The following ABCC4 variants were observed in gnomAD, a reference collection of about 807,000 sequenced individuals.
ABCC4 encodes ATP binding cassette subfamily C member 4 (PEL blood group).
ABCC4 carries 102 observed loss-of-function variants against 168.5 expected under a neutral mutation model. The observed-to-expected ratio is 0.61, with a 90% CI of 0.52 to 0.71. The LOEUF (loss-of-function observed/expected upper bound fraction) is 0.71, where lower values mean the gene tolerates loss of function less well. Among genes scored for constraint, ABCC4 ranks in the 30% least tolerant of loss-of-function variants. ABCC4 has a pLI of 0.00. For missense variants in ABCC4, 1,402 were observed against 1,605.8 expected (o/e 0.87, Z 2.17); for synonymous variants, 617 against 590.7 (o/e 1.04, Z -0.65).
At chr13:95,080,335 T>C (rs1466537210) in intron 21 of ABCC4, among the ~76,000 whole-genome samples, 18 of 152,222 alleles carry the variant, frequency 1.2e-4, no homozygotes, top group Non-Finnish European at 1.9e-4. Flanking sequence ...TGACTGACTG[T>C]TGATGTGGTG....
chr13:95,076,169 T>C lies in ABCC4; in HGVS notation c.2687-618A>G, dbSNP rs185901559. Among the ~76,000 whole-genome samples, 7 of 152,324 alleles carry C rather than the reference T, an allele frequency of 4.6e-5. No individual in the cohort carries two copies. In the East Asian group the frequency reaches 9.6e-4, roughly 21 times the overall value. On this transcript the variant is annotated intron_variant, in intron 21 of 30. Coordinates refer to ENST00000645237, the MANE Select transcript of ABCC4 (RefSeq NM_005845.5). ...CTGGAAGAATCCTTTGTGATCTCCA[T>C]GGACCTGGGTGCTGCAATGCCCTTG...
chr13:95,130,016 A>G (rs539993795), intron 19 of ABCC4, among the ~76,000 whole-genome samples: 3 of 151,478 alleles, frequency 2.0e-5, no homozygotes, highest in Non-Finnish European at 4.4e-5. Context: ...TGGAGGTTGC[A>G]GTGAGCCGAG....
intron 20 of ABCC4, among the ~76,000 whole-genome samples, chr13:95,096,551 A>T (rs2034604683): frequency 6.6e-6 from 1 of 152,192 alleles, no homozygotes. Flanking sequence ...AAATTGTTTT[A>T]AAAAGCAGCC....
chr13:95,222,183 T>C (rs550228550), intron 4 of ABCC4, among the ~76,000 whole-genome samples: 7 of 151,778 alleles, frequency 4.6e-5, no homozygotes, highest in African/African-American at 7.2e-5. Flanking sequence ...CCCTATACTG[T>C]ACACTTGGAG....
chr13:95,164,556 T>C lies in ABCC4; in HGVS notation c.2035-38A>G, dbSNP rs771404888. 3.7e-6 allele frequency: 6 copies of C among 1,607,842 alleles called. No homozygotes were observed. In the Admixed American group the frequency reaches 5.0e-5, roughly 13 times the overall value. On this transcript the variant is annotated intron_variant, in intron 15 of 30. Coordinates refer to ENST00000645237, the MANE Select transcript of ABCC4 (RefSeq NM_005845.5). ...AAAGGTGGTAAGAGACAAAACAGTA[T>C]ACAAAACTGTTCCCAAAGATGACAA...
chr13:95,131,959 A>G (rs2035981541), intron 19 of ABCC4, among the ~76,000 whole-genome samples: 1 of 152,160 alleles, frequency 6.6e-6, no homozygotes, highest in Non-Finnish European at 1.5e-5. Flanking sequence ...ATATATACAC[A>G]ACAGAAGAGA....
At chr13:95,123,378 C>T (rs751284420) in intron 19 of ABCC4, among the ~76,000 whole-genome samples, 2 of 151,778 alleles carry the variant, frequency 1.3e-5, no homozygotes, top group Non-Finnish European at 2.9e-5. Flanking sequence ...TGTTTTTTTG[C>T]GGGGGACGAA....
chr13:95,247,132 C>G, intron 2 of ABCC4, 37 bp from the exon 3 acceptor site: 1 of 1,597,844 alleles, frequency 6.3e-7, no homozygotes, highest in Non-Finnish European at 8.5e-7. Context: ...TAAGAGTGAA[C>G]CCTGCCACAA....
chr13:95,260,101 C>G (rs1322460647), intron 1 of ABCC4, among the ~76,000 whole-genome samples: 1 of 152,150 alleles, frequency 6.6e-6, no homozygotes, highest in African/African-American at 2.4e-5. Flanking sequence ...CAATCTGTAT[C>G]TTCTGATGTT....
chr13:95,054,176 C>T (rs2032968747), intron 26 of ABCC4, among the ~76,000 whole-genome samples: 1 of 151,664 alleles, frequency 6.6e-6, no homozygotes, highest in African/African-American at 2.4e-5. Flanking sequence ...ATCAAGGTTA[C>T]CTGGGTCACA....
chr13:95,073,068 T>C (rs906126408), intron 24 of ABCC4, 136 bp downstream of exon 24: 3 of 612,520 alleles, frequency 4.9e-6, no homozygotes, highest in Non-Finnish European at 8.3e-6. Context: ...TTTAAACAGA[T>C]GGAGGAAGGA....
intron 11 of ABCC4, among the ~76,000 whole-genome samples, chr13:95,181,819 G>A (rs916220025): frequency 1.6e-4 from 25 of 152,172 alleles, no homozygotes; most frequent in African/African-American, 6.0e-4. Context: ...TTCATATCAT[G>A]CTTCCCCAAG....
Position 95,170,574 on chromosome 13 carries a change from C to T in ABCC4, c.1782G>A (p.Leu594=). Residue 594 remains leucine (L), a synonymous_variant, in exon 14 of 31, where the codon TTG becomes TTA. Transcript: ENST00000645237. ...EKITILVTHQ[L]QYLKAASQIL... The stretch of plus-strand genomic sequence containing the variant: ...TCTGACTTGCAGCTTTGAGGTACTG[C>T]AACTGATGAGTCACTAAAATTGTGA... 6.2e-7 allele frequency: 1 copy of T among 1,612,170 alleles called. No homozygotes were observed. Among genetic ancestry groups the T allele is most frequent in the Non-Finnish European group, 8.5e-7 (1 of 1,179,658 alleles).
chr13:95,281,977 C>A (rs545223072), intron 1 of ABCC4, among the ~76,000 whole-genome samples: 5 of 151,974 alleles, frequency 3.3e-5, no homozygotes, highest in Non-Finnish European at 7.4e-5. Context: ...TGTGGTAGCA[C>A]GCACCGGTAG....
chr13:95,158,810 C>A (rs1249382992), intron 19 of ABCC4, among the ~76,000 whole-genome samples: 1 of 151,966 alleles, frequency 6.6e-6, no homozygotes, highest in Non-Finnish European at 1.5e-5. Context: ...TGGCTCATGC[C>A]TGTAATCCCA....
intron 19 of ABCC4, among the ~76,000 whole-genome samples, chr13:95,146,839 T>C (rs1305796113): frequency 6.6e-6 from 1 of 152,214 alleles, no homozygotes; most frequent in Non-Finnish European, 1.5e-5. Context: ...AGATTCCAAA[T>C]GTATTGTACC....
At chr13:95,131,308 C>T (rs899119249) in intron 19 of ABCC4, among the ~76,000 whole-genome samples, 6 of 152,104 alleles carry the variant, frequency 3.9e-5, no homozygotes, top group South Asian at 2.1e-4. Context: ...GCACAGGCTC[C>T]ATCACATGGG....
chr13:95,104,717 T>C (rs1421017738), intron 20 of ABCC4, among the ~76,000 whole-genome samples: 1 of 152,080 alleles, frequency 6.6e-6, no homozygotes, highest in Non-Finnish European at 1.5e-5. Context: ...CATGAATACG[T>C]TGAGGAAGAA....
chr13:95,270,398 CG>C (rs2040818896), intron 1 of ABCC4, among the ~76,000 whole-genome samples: 1 of 150,954 alleles, frequency 6.6e-6, no homozygotes, highest in African/African-American at 2.4e-5. Context: ...AAAAGGTGGG[CG>C]TAATAGTGAC....
Sources: gnomAD v4.1 joint callset for allele counts (sites outside exome capture counted in the v4.1 genomes callset) on GRCh38, gnomAD v4.1.1 for gene constraint, MANE v1.5 for transcripts, NCBI Gene and HGNC (gene_info 2026-07-23, HGNC 2026-07-21) for gene names.